FRMPD4: variants seen among roughly 807,000 people sequenced by gnomAD.
FRMPD4 encodes FERM and PDZ domain containing 4.
A neutral mutation model predicts 94.1 loss-of-function variants in FRMPD4; 22 were observed. The observed-to-expected ratio is 0.23, with a 90% CI of 0.17 to 0.33. The LOEUF is 0.33. FRMPD4 is among the 10% of genes least tolerant of loss of function. The probability of loss-of-function intolerance (pLI) is 1.00; values close to 1 mark genes in which losing one functional copy is unlikely to be tolerated. For synonymous variants in FRMPD4, 631 were observed against 548.6 expected (o/e 1.15, Z -2.10); for missense variants, 1,111 against 1,339.9 (o/e 0.83, Z 2.67).
At chrX:12,375,723 G>A (rs761958877) in intron 1 of FRMPD4, among the ~76,000 whole-genome samples, 1 of 112,173 alleles carries the variant, frequency 8.9e-6, no homozygotes, top group African/African-American at 3.2e-5. Context: ...GAAGGTCAAG[G>A]TCATCGGGGG....
intron 5 of FRMPD4, among the ~76,000 whole-genome samples, chrX:12,679,311 T>C (rs1413071721): frequency 8.9e-6 from 1 of 111,782 alleles, no homozygotes; most frequent in Non-Finnish European, 1.9e-5. Flanking sequence ...AAAAGAAGTT[T>C]TTTTTATACT....
intron 3 of FRMPD4, among the ~76,000 whole-genome samples, chrX:12,072,567 G>A (rs1454496204): frequency 8.9e-6 from 1 of 111,792 alleles, no homozygotes; most frequent in African/African-American, 3.3e-5. Flanking sequence ...CAAACCTCCT[G>A]TCTGATTTCT....
chrX:12,366,531 A>G (rs1296763260), intron 1 of FRMPD4, among the ~76,000 whole-genome samples: 1 of 111,933 alleles, frequency 8.9e-6, no homozygotes, highest in Non-Finnish European at 1.9e-5. Context: ...TAGAGATGAA[A>G]ATCACATAAA....
At chrX:12,559,165 C>G (rs980968542) in intron 2 of FRMPD4, among the ~76,000 whole-genome samples, 3 of 111,912 alleles carry the variant, frequency 2.7e-5, no homozygotes, top group African/African-American at 9.8e-5. Flanking sequence ...ATTAAATATG[C>G]CTTCTAGCAA....
intron 1 of FRMPD4, among the ~76,000 whole-genome samples, chrX:12,470,786 G>A (rs1288777932): frequency 9.0e-6 from 1 of 111,587 alleles, no homozygotes; most frequent in Non-Finnish European, 1.9e-5. Flanking sequence ...GCTGTTAAAT[G>A]TATCTTCTAC....
chrX:11,823,713 AT>A (rs1442992189), intron 1 of FRMPD4, among the ~76,000 whole-genome samples: 1 of 111,837 alleles, frequency 8.9e-6, no homozygotes, highest in Non-Finnish European at 1.9e-5. Context: ...ATAAAGCTTT[AT>A]TTGCAGACAC....
At chrX:12,436,949 G>T (rs2057074266) in intron 1 of FRMPD4, among the ~76,000 whole-genome samples, 1 of 111,781 alleles carries the variant, frequency 8.9e-6, no homozygotes. Flanking sequence ...ATACCTAGAT[G>T]ATTTCTAAAA....
intron 3 of FRMPD4, among the ~76,000 whole-genome samples, chrX:12,088,697 T>G: frequency 8.9e-6 from 1 of 112,210 alleles, no homozygotes; most frequent in Non-Finnish European, 1.9e-5. Context: ...CAGGGAATAG[T>G]AACTTTTGTT....
chrX:12,188,525 A>G (rs1192293881), intron 1 of FRMPD4, among the ~76,000 whole-genome samples: 3 of 112,095 alleles, frequency 2.7e-5, no homozygotes, highest in Non-Finnish European at 5.6e-5. Flanking sequence ...ATTCTAGTCT[A>G]TGTTCAAAGA....
chrX:12,051,472 G>A (rs2054818614), intron 3 of FRMPD4, among the ~76,000 whole-genome samples: 1 of 111,486 alleles, frequency 9.0e-6, no homozygotes, highest in African/African-American at 3.3e-5. Context: ...GGTACAAAGT[G>A]TAAAAAATAT....
At chrX:12,462,760 G>A (rs755737652) in intron 1 of FRMPD4, among the ~76,000 whole-genome samples, 118 of 112,174 alleles carry the variant, frequency 1.1e-3, no homozygotes, top group African/African-American at 3.8e-3. Flanking sequence ...AGGCCGAGGT[G>A]GGACGATCAC....
intron 1 of FRMPD4, among the ~76,000 whole-genome samples, chrX:12,228,761 A>G (rs1304454443): frequency 8.9e-6 from 1 of 112,471 alleles, no homozygotes; most frequent in Non-Finnish European, 1.9e-5. Flanking sequence ...TTGCTTACAA[A>G]CAGCTGTTTG....
At chrX:12,168,080 G>T (rs964877791) in intron 1 of FRMPD4, among the ~76,000 whole-genome samples, 1 of 110,427 alleles carries the variant, frequency 9.1e-6, no homozygotes, top group Non-Finnish European at 1.9e-5. Flanking sequence ...TACAATGTGC[G>T]GGGCAGCCCC....
rs187571402 is a variant in FRMPD4 at position 12,598,660 on chromosome X, T to C, written c.159-11061T>C. ...CAAGCAAAACCCAAAACAGAAAAGA[T>C]GTGTAAAGTTGGACAGTCTAAGGAA... On this transcript the variant is annotated intron_variant, in intron 2 of 16. Coordinates refer to ENST00000675598, the MANE Select transcript of FRMPD4 (RefSeq NM_001368397.1). Among the ~76,000 whole-genome samples the C allele has an allele frequency of 6.8e-3, 761 of 111,601 alleles. 5 individuals carry two copies. The highest frequency in any genetic ancestry group is 0.023 in the African/African-American group (719 of 30,736).
intron 3 of FRMPD4, among the ~76,000 whole-genome samples, chrX:12,017,276 T>C (rs2054609312): frequency 8.9e-6 from 1 of 112,258 alleles, no homozygotes. Flanking sequence ...AGGATGGGAC[T>C]GTTCAGGACA....
intron 3 of FRMPD4, among the ~76,000 whole-genome samples, chrX:12,042,352 T>C (rs190911898): frequency 8.0e-4 from 89 of 111,499 alleles, no homozygotes; most frequent in African/African-American, 2.8e-3. Flanking sequence ...TTTTTGTTTG[T>C]TTATATATTT....
intron 1 of FRMPD4, among the ~76,000 whole-genome samples, chrX:12,152,095 A>T (rs932536166): frequency 8.9e-6 from 1 of 111,947 alleles, no homozygotes; most frequent in Non-Finnish European, 1.9e-5. Flanking sequence ...GTACTTAGTG[A>T]TGGGGAAAGC....
At chrX:11,970,880 G>A (rs751335926) in intron 3 of FRMPD4, among the ~76,000 whole-genome samples, 2 of 111,822 alleles carry the variant, frequency 1.8e-5, no homozygotes, top group East Asian at 2.8e-4. Flanking sequence ...TAATTACCCC[G>A]TGGCTCAATC....
chrX:12,340,921 T>C (rs2055603071), intron 1 of FRMPD4, among the ~76,000 whole-genome samples: 1 of 112,052 alleles, frequency 8.9e-6, no homozygotes, highest in Non-Finnish European at 1.9e-5. Context: ...GTCATGTCAG[T>C]TGAACTATTC....
Sources: gnomAD v4.1 joint callset for allele counts (sites outside exome capture counted in the v4.1 genomes callset) on GRCh38, gnomAD v4.1.1 for gene constraint, MANE v1.5 for transcripts, NCBI Gene and HGNC (gene_info 2026-07-23, HGNC 2026-07-21) for gene names.